Variants in CDH13 observed in about 807,000 individuals in gnomAD.
CDH13 encodes the protein cadherin-13.
A neutral mutation model predicts 63.8 loss-of-function variants in CDH13; 24 were observed. That is an observed-to-expected ratio of 0.38 (90% CI 0.27 to 0.53). CDH13 has a LOEUF of 0.53. CDH13 is among the 20% of genes least tolerant of loss of function. The probability of loss-of-function intolerance (pLI) is 0.85; values close to 1 mark genes in which losing one functional copy is unlikely to be tolerated. For synonymous variants in CDH13, 503 were observed against 355.3 expected, an observed-to-expected ratio of 1.42 and a Z score of -4.67; for missense variants, 1,049 against 903.1, an observed-to-expected ratio of 1.16 and a Z score of -2.07.
chr16:82,783,929 C>G (rs73604831), intron 1 of CDH13, among the ~76,000 whole-genome samples: 2,916 of 152,192 alleles, frequency 0.019, 80 homozygotes, highest in African/African-American at 0.066. Flanking sequence ...GAAAAAAATA[C>G]TAATGTCTTC....
intron 1 of CDH13, among the ~76,000 whole-genome samples, 200 bp downstream of exon 1, chr16:82,627,337 CGTGTGTGTGTGTGTGTGTGTGTGTGTGT>C (rs71146081): frequency 6.9e-5 from 9 of 131,184 alleles, no homozygotes; most frequent in Non-Finnish European, 1.1e-4. Context: ...CTCTGGCGTG[CGTGTGTGTGTGTGTGTGTGTGTGTGTGT>C]GTGTGTGTGT....
intron 3 of CDH13, among the ~76,000 whole-genome samples, chr16:83,040,574 C>G (rs1054076675): frequency 6.6e-6 from 1 of 152,160 alleles, no homozygotes; most frequent in African/African-American, 2.4e-5. Context: ...GAGACTCAGC[C>G]AGTCTGCTCT....
intron 7 of CDH13, among the ~76,000 whole-genome samples, chr16:83,505,433 G>C (rs2074373419): frequency 6.6e-6 from 1 of 151,868 alleles, no homozygotes; most frequent in Non-Finnish European, 1.5e-5. Context: ...ATGAATTCAT[G>C]GGAAACAGCC....
chr16:82,816,432 T>A (rs1274227355), intron 1 of CDH13, among the ~76,000 whole-genome samples: 1 of 152,116 alleles, frequency 6.6e-6, no homozygotes, highest in African/African-American at 2.4e-5. Flanking sequence ...GTTTTGTGCA[T>A]GAAGATGGCA....
intron 5 of CDH13, among the ~76,000 whole-genome samples, chr16:83,305,602 C>A (rs2089856236): frequency 6.6e-6 from 1 of 152,172 alleles, no homozygotes; most frequent in African/African-American, 2.4e-5. Flanking sequence ...TTCCACGTAG[C>A]AGCTATAACC....
chr16:83,371,294 T>A (rs535209546), intron 6 of CDH13, among the ~76,000 whole-genome samples: 1 of 152,250 alleles, frequency 6.6e-6, no homozygotes, highest in Non-Finnish European at 1.5e-5. Context: ...CTCTCCTTCC[T>A]GCATCTTCAG....
chr16:83,587,731 G>T (rs963804709), intron 7 of CDH13, among the ~76,000 whole-genome samples: 7 of 152,104 alleles, frequency 4.6e-5, no homozygotes, highest in African/African-American at 1.7e-4. Flanking sequence ...ACCATAAAAC[G>T]TATTATCTTT....
intron 6 of CDH13, among the ~76,000 whole-genome samples, chr16:83,352,559 C>T (rs550939125): frequency 1.3e-5 from 2 of 152,314 alleles, no homozygotes; most frequent in Admixed American, 6.5e-5. Context: ...ACCATACATA[C>T]ATACACACAC....
intron 4 of CDH13, among the ~76,000 whole-genome samples, chr16:83,139,413 T>A (rs1313576032): frequency 1.3e-5 from 2 of 152,264 alleles, no homozygotes; most frequent in Non-Finnish European, 2.9e-5. Flanking sequence ...GCCTCAAATT[T>A]ATTTTAAATA....
At chr16:83,374,820 G>A (rs57215164) in intron 6 of CDH13, among the ~76,000 whole-genome samples, 19,542 of 152,114 alleles carry the variant, frequency 0.13, 1,361 homozygotes, top group Non-Finnish European at 0.15. Flanking sequence ...TCCAACCACT[G>A]GTATGAATAT....
chr16:82,866,552 C>A (rs1250189704), intron 2 of CDH13, among the ~76,000 whole-genome samples: 1 of 151,768 alleles, frequency 6.6e-6, no homozygotes, highest in African/African-American at 2.4e-5. Flanking sequence ...CCATGCCTGG[C>A]TAATTTTTTG....
At chr16:83,072,792 C>T (rs955211538) in intron 3 of CDH13, among the ~76,000 whole-genome samples, 1 of 152,252 alleles carries the variant, frequency 6.6e-6, no homozygotes, top group Middle Eastern at 3.4e-3. Context: ...TGTAGAATCC[C>T]AGACCTTACC....
chr16:82,718,225 C>G (rs889869831), intron 1 of CDH13, among the ~76,000 whole-genome samples: 1 of 152,208 alleles, frequency 6.6e-6, no homozygotes, highest in African/African-American at 2.4e-5. Context: ...AACCACATCT[C>G]ATAGTTATCC....
chr16:83,357,059 T>C (rs1324885238), intron 6 of CDH13, among the ~76,000 whole-genome samples: 1 of 152,130 alleles, frequency 6.6e-6, no homozygotes, highest in Non-Finnish European at 1.5e-5. Context: ...TGCCTTCCTC[T>C]TGGAAGTGGG....
chr16:83,440,291 G>C (rs1233815822), intron 6 of CDH13, among the ~76,000 whole-genome samples: 1 of 152,172 alleles, frequency 6.6e-6, no homozygotes, highest in Non-Finnish European at 1.5e-5. Context: ...TTTACATGTA[G>C]GAAAATCAGC....
chr16:83,428,730 C>G (rs566206492), intron 6 of CDH13, among the ~76,000 whole-genome samples: 2 of 152,310 alleles, frequency 1.3e-5, no homozygotes, highest in Admixed American at 6.5e-5. Flanking sequence ...CTCTTCTTGC[C>G]TTTGTTCCTT....
At chr16:83,471,374 A>C (rs1490095233) in intron 6 of CDH13, among the ~76,000 whole-genome samples, 3 of 148,192 alleles carry the variant, frequency 2.0e-5, no homozygotes, top group African/African-American at 7.5e-5. Context: ...CTCCGGGTTC[A>C]AATGATTCTC....
intron 5 of CDH13, among the ~76,000 whole-genome samples, chr16:83,319,213 T>C (rs1008357555): frequency 6.6e-6 from 1 of 152,214 alleles, no homozygotes; most frequent in Non-Finnish European, 1.5e-5. Flanking sequence ...TGCTCATGTT[T>C]ACCTACTAAT....
chr16:82,714,332 A>T (rs200828182), intron 1 of CDH13, among the ~76,000 whole-genome samples: 1 of 152,192 alleles, frequency 6.6e-6, no homozygotes, highest in African/African-American at 2.4e-5. Flanking sequence ...ATGTAACACT[A>T]TTTGGCAACA....
Sources: allele counts gnomAD v4.1 joint callset (sites outside exome capture counted in the v4.1 genomes callset), GRCh38; gene constraint gnomAD v4.1.1; transcripts MANE v1.5; gene names NCBI Gene and HGNC (gene_info 2026-07-23, HGNC 2026-07-21).